CLSTN2: variants seen among roughly 807,000 people sequenced by gnomAD.
CLSTN2 encodes the protein calsyntenin 2.
CLSTN2 carries 48 observed loss-of-function variants against 101.2 expected under a neutral mutation model. The observed-to-expected ratio is 0.47, with a 90% CI of 0.38 to 0.60. CLSTN2 has a LOEUF of 0.60. Among genes scored for constraint, CLSTN2 ranks in the 20% least tolerant of loss-of-function variants. The pLI is 0.00. For missense variants in CLSTN2, 1,160 were observed against 1,238.2 expected (o/e 0.94, Z 0.95); for synonymous variants, 481 against 463.6 (o/e 1.04, Z -0.48).
chr3:140,318,682 A>T (rs1205928978), intron 2 of CLSTN2, among the ~76,000 whole-genome samples: 1 of 152,192 alleles, frequency 6.6e-6, no homozygotes, highest in African/African-American at 2.4e-5. Flanking sequence ...ACTTACCGTG[A>T]TGCAGGAAAG....
intron 2 of CLSTN2, among the ~76,000 whole-genome samples, chr3:140,211,595 CATAAACATATTCATTT>C (rs2010856520): frequency 2.0e-5 from 3 of 148,546 alleles, no homozygotes; most frequent in African/African-American, 7.5e-5. Context: ...TTTGTGTGTA[CATAAACATATTCATTT>C]AATCCTCTGC....
chr3:140,576,477 T>C lies in CLSTN2; in HGVS notation c.*10224T>C, dbSNP rs1273262237. The C allele has an allele frequency of 1.3e-5, 2 of 152,302 alleles. No homozygotes were observed. The highest frequency in any genetic ancestry group is 2.9e-5 in the Non-Finnish European group (2 of 68,062). 9.4% of individuals were successfully genotyped at this position (152,302 alleles called of 1,614,324 possible). A position where few individuals can be genotyped will look rare whatever the true frequency, so the allele number is the denominator to read the frequency against. On this transcript the variant is annotated 3_prime_UTR_variant, in exon 17 of 17. Coordinates refer to ENST00000458420, the MANE Select transcript of CLSTN2 (RefSeq NM_022131.3). ...CCAGTCTAAAAAGTCTAATAATTTC[T>C]TCTCTCAGTCCTTCCCTTCTCCCTT...
chr3:140,422,826 G>T (rs2088520455), intron 5 of CLSTN2, among the ~76,000 whole-genome samples: 1 of 152,176 alleles, frequency 6.6e-6, no homozygotes, highest in Non-Finnish European at 1.5e-5. Flanking sequence ...CAAGCTTGGT[G>T]CAGTGTCTAG....
intron 8 of CLSTN2, among the ~76,000 whole-genome samples, chr3:140,485,647 C>T (rs567051315): frequency 1.5e-4 from 23 of 152,256 alleles, no homozygotes; most frequent in South Asian, 4.1e-4. Context: ...ACTCAAGCCT[C>T]GGCAATGGCA....
intron 1 of CLSTN2, among the ~76,000 whole-genome samples, chr3:139,992,527 TG>T (rs1936132439): frequency 6.6e-6 from 1 of 152,190 alleles, no homozygotes; most frequent in Non-Finnish European, 1.5e-5. Context: ...CTATTTTTCC[TG>T]TAGGCAAAAC....
In CLSTN2 at chr3:140,001,632, T is replaced by C. The variant is rs538026100; in HGVS notation, c.109+66149T>C. 5.9e-5 allele frequency among the ~76,000 whole-genome samples: 9 copies of C among 152,148 alleles called. No homozygotes were observed. The South Asian group carries it at 1.7e-3, about 28-fold the overall frequency. ...TTGTGTTACAAACGATCCAAAATAC[T>C]TTTTTTAAGCTATTTTTAAATGTAC... On this transcript the variant is annotated intron_variant, in intron 1 of 16. Transcript: ENST00000458420.
At chr3:140,146,009 G>A (rs2009775882) in intron 1 of CLSTN2, among the ~76,000 whole-genome samples, 1 of 152,156 alleles carries the variant, frequency 6.6e-6, no homozygotes, top group Non-Finnish European at 1.5e-5. Flanking sequence ...CTTGGACATG[G>A]GGTCATAAAA....
chr3:140,484,807 C>A (rs1934203331), intron 8 of CLSTN2, among the ~76,000 whole-genome samples: 1 of 152,166 alleles, frequency 6.6e-6, no homozygotes, highest in Admixed American at 6.5e-5. Context: ...GTTTTCAGCT[C>A]CATCAGGTCA....
chr3:139,938,142 A>C (rs888276360), intron 1 of CLSTN2, among the ~76,000 whole-genome samples: 9 of 126,272 alleles, frequency 7.1e-5, no homozygotes, highest in Admixed American at 2.4e-4. Flanking sequence ...TCCCATCACA[A>C]AAAAAAAAAA....
At chr3:140,501,704 A>G (rs1287440976) in intron 8 of CLSTN2, among the ~76,000 whole-genome samples, 1 of 152,044 alleles carries the variant, frequency 6.6e-6, no homozygotes. Context: ...TTACACAGAC[A>G]CTCTATCTAA....
chr3:140,545,753 T>C (rs781490367), intron 9 of CLSTN2, among the ~76,000 whole-genome samples: 23 of 151,852 alleles, frequency 1.5e-4, no homozygotes, highest in Non-Finnish European at 2.2e-4. Context: ...TGCACATGGG[T>C]AAAAGTGGAC....
At chr3:140,391,390 G>A (rs1039696843) in intron 2 of CLSTN2, among the ~76,000 whole-genome samples, 7 of 151,456 alleles carry the variant, frequency 4.6e-5, no homozygotes, top group Admixed American at 2.6e-4. Context: ...CGGGAGGGGC[G>A]GGTATTTTTC....
At chr3:140,053,586 A>G (rs2008043057) in intron 1 of CLSTN2, among the ~76,000 whole-genome samples, 1 of 152,176 alleles carries the variant, frequency 6.6e-6, no homozygotes, top group Non-Finnish European at 1.5e-5. Flanking sequence ...CAGGAGCTCA[A>G]CTGACAAGAA....
chr3:140,531,863 C>T (rs989094898), intron 8 of CLSTN2, among the ~76,000 whole-genome samples: 1 of 152,150 alleles, frequency 6.6e-6, no homozygotes, highest in East Asian at 1.9e-4. Context: ...GGGGATTAAA[C>T]AAGTTGTGTG....
At chr3:140,135,266 T>C (rs953590532) in intron 1 of CLSTN2, among the ~76,000 whole-genome samples, 1 of 151,432 alleles carries the variant, frequency 6.6e-6, no homozygotes, top group Non-Finnish European at 1.5e-5. Flanking sequence ...TTTTGTTTCC[T>C]TCTGTGTTTC....
chr3:139,990,317 T>C (rs1373616927), intron 1 of CLSTN2, among the ~76,000 whole-genome samples: 2 of 152,180 alleles, frequency 1.3e-5, no homozygotes, highest in African/African-American at 4.8e-5. Context: ...GATGGTGGCG[T>C]AGGTGGGAGC....
In CLSTN2 at chr3:140,567,662, C is replaced by T. The variant is rs990333379; in HGVS notation, c.*1409C>T. On this transcript the variant is annotated 3_prime_UTR_variant, in exon 17 of 17. Coordinates refer to ENST00000458420, the MANE Select transcript of CLSTN2 (RefSeq NM_022131.3). Reference sequence around the variant, plus strand: ...CGAAGCTCTGAGAACATGTTTGTTTCGAATGTCTGATTCCTCTTTGTCATC... The same window carrying T: ...CGAAGCTCTGAGAACATGTTTGTTTTGAATGTCTGATTCCTCTTTGTCATC... The T allele has an allele frequency of 5.3e-5, 8 of 152,174 alleles. No individual in the cohort carries two copies. Among genetic ancestry groups the T allele is most frequent in the East Asian group, 1.9e-4 (1 of 5,188 alleles). 9.4% of individuals were successfully genotyped at this position (152,174 alleles called of 1,614,324 possible).
intron 8 of CLSTN2, among the ~76,000 whole-genome samples, chr3:140,468,238 A>G (rs1576584883): frequency 6.6e-6 from 1 of 152,222 alleles, no homozygotes; most frequent in African/African-American, 2.4e-5. Context: ...TTTAAAATAT[A>G]TAATACAAAT....
intron 1 of CLSTN2, among the ~76,000 whole-genome samples, chr3:140,169,912 A>G (rs2010186769): frequency 6.6e-6 from 1 of 152,120 alleles, no homozygotes; most frequent in African/African-American, 2.4e-5. Flanking sequence ...ATTTCATGCA[A>G]TTTTCACGAC....
Sources: allele counts gnomAD v4.1 joint callset (sites outside exome capture counted in the v4.1 genomes callset), GRCh38; gene constraint gnomAD v4.1.1; transcripts MANE v1.5; gene names NCBI Gene and HGNC (gene_info 2026-07-23, HGNC 2026-07-21).